Variants in EVL observed in about 807,000 individuals in gnomAD.
EVL encodes the protein Enah/Vasp-like.
A neutral mutation model predicts 59.6 loss-of-function variants in EVL; 21 were observed. The ratio of observed to expected loss-of-function variants is 0.35; its 90% CI spans 0.25 to 0.51. The LOEUF (loss-of-function observed/expected upper bound fraction) is 0.51. EVL is among the 20% of genes least tolerant of loss of function. EVL has a pLI of 0.97. For missense variants in EVL, 462 were observed against 546.6 expected (o/e 0.85, Z 1.54); for synonymous variants, 198 against 203.5 (o/e 0.97, Z 0.23).
chr14:100,070,009 C>T (rs1181176515), intron 1 of EVL, among the ~76,000 whole-genome samples: 1 of 150,486 alleles, frequency 6.6e-6, no homozygotes, highest in African/African-American at 2.5e-5. Context: ...GGTAGATCAC[C>T]TGAGCTGAGG....
chr14:100,030,054 C>G (rs967141824), intron 1 of EVL, among the ~76,000 whole-genome samples: 6 of 151,944 alleles, frequency 3.9e-5, no homozygotes, highest in Admixed American at 1.3e-4. Flanking sequence ...GGGACTATTA[C>G]CAATCTCTGA....
upstream of EVL, among the ~76,000 whole-genome samples, chr14:100,060,551 A>G (rs940139103): frequency 2.0e-5 from 3 of 152,176 alleles, no homozygotes; most frequent in African/African-American, 7.2e-5. Flanking sequence ...GGACTTGGAG[A>G]CAGATCAATA....
chr14:100,135,887 C>T lies in EVL; in HGVS notation c.901-18C>T, dbSNP rs765125190. Reference sequence around the variant, plus strand: ...CCAGGTGGCCTTCCTAAACAGACTCCCTTCTTCTCCATTTTAGGAAGATCC... The same window carrying T: ...CCAGGTGGCCTTCCTAAACAGACTCTCTTCTTCTCCATTTTAGGAAGATCC... On this transcript the variant is annotated intron_variant, in intron 8 of 13. Transcript: ENST00000392920. 2.5e-6 allele frequency: 4 copies of T among 1,613,852 alleles called. No homozygotes were observed. Among genetic ancestry groups the T allele is most frequent in the Non-Finnish European group, 3.4e-6 (4 of 1,179,862 alleles).
rs761278333 is a variant in EVL at position 100,065,471 on chromosome 14, C to G, written c.-30C>G. 2.7e-6 allele frequency: 4 copies of G among 1,496,178 alleles called. No individual in the cohort carries two copies. In the South Asian group the frequency reaches 5.3e-5, roughly 20 times the overall value. The allele number at this position is 1,496,178 out of a possible 1,614,324, so 92.7% of individuals were successfully genotyped here. A position where few individuals can be genotyped will look rare whatever the true frequency, so the allele number is the denominator to read the frequency against. On this transcript the variant is annotated 5_prime_UTR_variant, in exon 1 of 14. Transcript: ENST00000392920. ...GGTGGGAGTACAGGACTCGCCTCCT[C>G]AGGGTTCCCTGTGCTGCCACTTTTC...
At chr14:100,079,776 C>G (rs539909655) in intron 1 of EVL, among the ~76,000 whole-genome samples, 2 of 152,242 alleles carry the variant, frequency 1.3e-5, no homozygotes, top group South Asian at 4.1e-4. Flanking sequence ...CCCAGCCACA[C>G]AGGGAGTGGG....
At chr14:99,981,003 A>C (rs2140170351) in intron 1 of EVL, among the ~76,000 whole-genome samples, 1 of 151,996 alleles carries the variant, frequency 6.6e-6, no homozygotes, top group Middle Eastern at 3.4e-3. Context: ...CGGGAGGCTG[A>C]GCAGAAGGAT....
chr14:100,009,256 C>G (rs369541990), intron 1 of EVL, among the ~76,000 whole-genome samples: 4 of 152,236 alleles, frequency 2.6e-5, no homozygotes, highest in Non-Finnish European at 5.9e-5. Flanking sequence ...AACTACTGCT[C>G]TCTTTGAGAA....
chr14:99,990,525 C>T (rs1425972031), intron 1 of EVL, among the ~76,000 whole-genome samples: 1 of 152,090 alleles, frequency 6.6e-6, no homozygotes, highest in Non-Finnish European at 1.5e-5. Context: ...GCCCTTGGCA[C>T]CTACCTTTCT....
chr14:100,059,023 T>A (rs1318644208), intron 1 of EVL, among the ~76,000 whole-genome samples: 1 of 152,212 alleles, frequency 6.6e-6, no homozygotes, highest in African/African-American at 2.4e-5. Flanking sequence ...ACTCTTAGGC[T>A]AGCATCTTCA....
intron 3 of EVL, among the ~76,000 whole-genome samples, chr14:100,103,247 T>C (rs1319147190): frequency 6.6e-6 from 1 of 151,780 alleles, no homozygotes; most frequent in Non-Finnish European, 1.5e-5. Flanking sequence ...ACAGGGAGCT[T>C]TCAGATGAGC....
chr14:100,072,931 G>C (rs752261222), intron 1 of EVL, among the ~76,000 whole-genome samples: 4 of 152,216 alleles, frequency 2.6e-5, no homozygotes, highest in African/African-American at 9.7e-5. Flanking sequence ...AGGCTCTGCC[G>C]CGGATCAGCC....
In EVL at chr14:100,042,861, G is replaced by A. The variant is rs188529606; in HGVS notation, c.6-41826G>A. 1.8e-3 allele frequency among the ~76,000 whole-genome samples: 275 copies of A among 152,200 alleles called. 1 individual carries two copies. The highest frequency in any genetic ancestry group is 3.2e-3 in the Non-Finnish European group (219 of 68,004). On this transcript the variant is annotated intron_variant, in intron 1 of 13. Coordinates refer to the EVL transcript ENST00000402714. Reference sequence around the variant, plus strand: ...TATACTCACCAGCATTGATGTTATTGTAAATACATACTTACCATAAACCCT... The same window carrying A: ...TATACTCACCAGCATTGATGTTATTATAAATACATACTTACCATAAACCCT...
chr14:100,044,728 T>C (rs2061522334), intron 1 of EVL, among the ~76,000 whole-genome samples: 2 of 152,174 alleles, frequency 1.3e-5, no homozygotes, highest in Non-Finnish European at 2.9e-5. Flanking sequence ...GGAAGTAACC[T>C]AAGCAGGGGT....
chr14:100,127,009 C>G lies in EVL; in HGVS notation c.487+238C>G, dbSNP rs1386288023. Among the ~76,000 whole-genome samples the G allele has an allele frequency of 6.6e-6, 1 of 152,252 alleles. No homozygotes were observed. Among genetic ancestry groups the G allele is most frequent in the Admixed American group, 6.5e-5 (1 of 15,290 alleles). ...GCCAACCTTCTCCGGAGTGGACATT[C>G]AGCAAGCACCTCCTGTGTCTCAGGC... On this transcript the variant is annotated intron_variant, in intron 5 of 13. Transcript: ENST00000392920. This position sits in a 1 kb window ranked among gnomAD's most constrained non-coding sequence, Gnocchi z 4.2.
At chr14:99,993,690 T>TTC (rs2060891004) in intron 1 of EVL, among the ~76,000 whole-genome samples, 1 of 134,294 alleles carries the variant, frequency 7.4e-6, no homozygotes, top group African/African-American at 2.9e-5. Flanking sequence ...TCTTTCTTTT[T>TTC]TTTTTTTTTT....
At chr14:100,055,845 C>T (rs997293350) in intron 1 of EVL, among the ~76,000 whole-genome samples, 1 of 138,336 alleles carries the variant, frequency 7.2e-6, no homozygotes, top group Non-Finnish European at 1.5e-5. Context: ...CGGAGTCTTG[C>T]TCTGTCACCA....
rs57176151 is a variant in EVL, at chr14:100,103,188, G to GTT, written c.358+5544_358+5545dup. 5.7e-4 allele frequency among the ~76,000 whole-genome samples: 77 copies of GTT among 134,584 alleles called. No individual in the cohort carries two copies. In the East Asian group the frequency reaches 5.8e-3, roughly 10 times the overall value. The allele number at this position is 134,584 out of a possible 152,430, so 88.3% of individuals were successfully genotyped here. On this transcript the variant is annotated intron_variant, in intron 3 of 13. Coordinates refer to ENST00000392920, the MANE Select transcript of EVL (RefSeq NM_016337.3). ...TTGTCATTTTATATTTTCCCAGAGA[G>GTT]TTTTTTTTTTTTTTTGAAGGAAAAG...
chr14:100,143,297 A>G (rs1050449639), intron 13 of EVL, among the ~76,000 whole-genome samples: 10 of 151,868 alleles, frequency 6.6e-5, no homozygotes, highest in African/African-American at 2.4e-4. Context: ...AGCCTCCACT[A>G]TGTTGGGGGA....
intron 1 of EVL, among the ~76,000 whole-genome samples, chr14:100,032,884 G>T (rs2061335477): frequency 6.6e-6 from 1 of 152,106 alleles, no homozygotes; most frequent in Admixed American, 6.5e-5. Flanking sequence ...GTTGAGCAGA[G>T]CTGGACACAT....
Sources: allele counts gnomAD v4.1 joint callset (sites outside exome capture counted in the v4.1 genomes callset), GRCh38; gene constraint gnomAD v4.1.1; non-coding constraint Gnocchi (gnomAD v3.1); transcripts MANE v1.5; gene names NCBI Gene and HGNC (gene_info 2026-07-23, HGNC 2026-07-21).